AKR1C2: variants seen among roughly 807,000 people sequenced by gnomAD.
The protein encoded by AKR1C2 is 3-alpha-HSD3.
AKR1C2 carries 27 observed loss-of-function variants against 39.8 expected under a neutral mutation model. That is an observed-to-expected ratio of 0.68 (90% CI 0.50 to 0.93). The LOEUF is 0.93. Among genes scored for constraint, AKR1C2 ranks in the 40% least tolerant of loss-of-function variants. AKR1C2 has a pLI of 0.00. For missense variants in AKR1C2, 263 were observed against 365.1 expected (o/e 0.72, Z 2.28); for synonymous variants, 114 against 137.9 (o/e 0.83, Z 1.22).
upstream of AKR1C2, among the ~76,000 whole-genome samples, chr10:5,005,298 A>T (rs1837377417): frequency 1.3e-5 from 2 of 152,244 alleles, no homozygotes; most frequent in African/African-American, 4.8e-5. Context: ...AACCTGCCGC[A>T]CATATAAGTT....
At position 4,989,835 on chromosome 10, in the gene AKR1C2, C is replaced by T; in HGVS notation, c.*161G>A. 1 of 1,074,252 alleles carries T rather than the reference C, an allele frequency of 9.3e-7. No individual in the cohort carries two copies. The highest frequency in any genetic ancestry group is 1.3e-6 in the Non-Finnish European group (1 of 750,624). 66.5% of individuals were successfully genotyped at this position (1,074,252 alleles called of 1,614,324 possible). On this transcript the variant is annotated 3_prime_UTR_variant, in exon 9 of 9. Transcript: ENST00000380753. The stretch of plus-strand genomic sequence containing the variant: ...TCAAAATGAAAAACAAAATTATTGT[C>T]TTTCTTTTCCGGCCGATGGGCTTAG...
chr10:5,000,272 T>G, intron 3 of AKR1C2: 3 of 1,466,210 alleles, frequency 2.0e-6, no homozygotes. Context: ...AAATAAGACC[T>G]TGTGCCTTCA....
chr10:4,998,866 G>A (rs1175443595), intron 4 of AKR1C2, 119 bp from the exon 5 acceptor site: 16 of 1,480,528 alleles, frequency 1.1e-5, no homozygotes, highest in East Asian at 9.4e-5. Context: ...AGCTAGCCGT[G>A]GTTCTTAAAA....
chr10:5,003,897 G>C (rs1308862151), upstream of AKR1C2: 1 of 1,547,878 alleles, frequency 6.5e-7, no homozygotes, highest in Non-Finnish European at 8.9e-7. Flanking sequence ...AGAGCAATGA[G>C]CTGGCAACGC....
chr10:5,003,508 A>G lies in AKR1C2; in HGVS notation c.84+244T>C, dbSNP rs148281619. Among the ~76,000 whole-genome samples, 12,131 of 150,598 alleles carry G rather than the reference A, an allele frequency of 0.081. 412 individuals are homozygous for G. Among genetic ancestry groups the G allele is most frequent in the Middle Eastern group, 0.13 (37 of 294 alleles). The stretch of plus-strand genomic sequence containing the variant: ...CAATCTTCAAGAGAGGGAGCAGGCA[A>G]GCCGTGTTCTTTCTGCTGAGTTTTA... On this transcript the variant is annotated intron_variant, in intron 1 of 8. Transcript: ENST00000380753.
chr10:5,008,256 T>G (rs1189937974), upstream of AKR1C2, among the ~76,000 whole-genome samples: 2 of 138,072 alleles, frequency 1.4e-5, no homozygotes, highest in East Asian at 3.9e-4. Flanking sequence ...AAGCTTTATG[T>G]TGGGGCTCCA....
chr10:4,998,047 C>A (rs1210793340), intron 5 of AKR1C2, among the ~76,000 whole-genome samples: 5 of 152,224 alleles, frequency 3.3e-5, no homozygotes, highest in African/African-American at 4.8e-5. Flanking sequence ...CCACTGTGAA[C>A]AGATATCTCC....
chr10:5,006,016 A>G (rs1837396085), upstream of AKR1C2: 3 of 152,214 alleles, frequency 2.0e-5, no homozygotes, highest in Admixed American at 6.5e-5. Context: ...AGATATAATC[A>G]ATACACATAG....
upstream of AKR1C2, among the ~76,000 whole-genome samples, chr10:5,008,337 C>T (rs1837448695): frequency 6.6e-6 from 1 of 151,360 alleles, no homozygotes; most frequent in Non-Finnish European, 1.5e-5. Flanking sequence ...GTGGCAAGTG[C>T]CAAGCCTCAA....
At chr10:5,007,666 A>G (rs1170305359), upstream of AKR1C2, among the ~76,000 whole-genome samples, 1 of 151,282 alleles carries the variant, frequency 6.6e-6, no homozygotes, top group African/African-American at 2.4e-5. Flanking sequence ...TACAAAATCC[A>G]ATCAGTTTAC....
intron 1 of AKR1C2, among the ~76,000 whole-genome samples, chr10:5,016,775 C>T (rs1296148699): frequency 1.3e-5 from 2 of 152,238 alleles, no homozygotes; most frequent in African/African-American, 2.4e-5. Context: ...AAGAAGTTCT[C>T]CATGAGTGTT....
chr10:5,010,339 C>T (rs1937857), intron 1 of AKR1C2: 1 of 152,198 alleles, frequency 6.6e-6, no homozygotes, highest in South Asian at 2.1e-4. Context: ...TCTCATTTCA[C>T]ATACAAATCT....
At position 4,999,059 on chromosome 10, in the gene AKR1C2, C is replaced by T. The variant is rs1185081968; in HGVS notation, c.447+141G>A. On this transcript the variant is annotated intron_variant, in intron 4 of 8. Transcript: ENST00000380753. ...TGTATGCCTGTCATTTCTTTTTCCTCGCTGCTCACAAAAACTACCTTTGTA... is the reference window on the plus strand; with the variant it reads ...TGTATGCCTGTCATTTCTTTTTCCTTGCTGCTCACAAAAACTACCTTTGTA... 170 of 1,576,692 alleles carry T rather than the reference C, an allele frequency of 1.1e-4. 1 individual carries two copies. In the East Asian group the frequency reaches 3.3e-3, roughly 31 times the overall value.
At chr10:4,997,872 C>T (rs1199172459) in intron 5 of AKR1C2, among the ~76,000 whole-genome samples, 1 of 152,026 alleles carries the variant, frequency 6.6e-6, no homozygotes. Flanking sequence ...AGTCAGGACT[C>T]AAGGAAAAGA....
At chr10:4,994,732 T>A (rs1177325691) in intron 7 of AKR1C2, among the ~76,000 whole-genome samples, 1 of 150,168 alleles carries the variant, frequency 6.7e-6, no homozygotes, top group Admixed American at 6.7e-5. Context: ...ATGGACTGAG[T>A]TTAGGCTGAG....
intron 1 of AKR1C2, chr10:5,015,278 A>T (rs1187630965): frequency 1.3e-5 from 2 of 152,242 alleles, no homozygotes; most frequent in Admixed American, 1.3e-4. Context: ...TTTGAATGAG[A>T]AAATTATTTT....
intron 2 of AKR1C2, 122 bp downstream of exon 2, chr10:5,001,392 T>A: frequency 2.7e-6 from 4 of 1,498,880 alleles, no homozygotes; most frequent in Non-Finnish European, 3.6e-6. Flanking sequence ...CATGAGTAAG[T>A]GTGAATAAAT....
Position 4,989,906 on chromosome 10 carries a change from C to T in AKR1C2, c.*90G>A, listed in dbSNP as rs566502961. 6.7e-5 allele frequency: 97 copies of T among 1,455,724 alleles called. No homozygotes were observed. The South Asian group carries it at 1.1e-3, about 16-fold the overall frequency. 90.2% of individuals were successfully genotyped at this position (1,455,724 alleles called of 1,614,324 possible). A position where few individuals can be genotyped will look rare whatever the true frequency, so the allele number is the denominator to read the frequency against. On this transcript the variant is annotated 3_prime_UTR_variant, in exon 9 of 9. Coordinates refer to ENST00000380753, the MANE Select transcript of AKR1C2 (RefSeq NM_001393392.1). ...CAAGCAGGAGAGATTTAACCAGAGG[C>T]GATGTGTCCAGTCACCAGCATAGAG... is the stretch of plus-strand genomic sequence containing the variant.
In AKR1C2 at chr10:5,000,609, T is replaced by C; in HGVS notation, c.310A>G (p.Lys104Glu). ...LVRPALERSL[K>E]NLQLDYVDLY... ...TCAACATAGTCCAATTGAAGATTTT[T>C]CAGTGACCTTTCCAAGGCTGGTCGG... Residue 104 changes from lysine (K) to glutamate (E), a missense_variant, in exon 3 of 9, where the codon AAA becomes GAA. Lys to Glu is a moderately conservative substitution (Grantham distance 56). Coordinates refer to ENST00000380753, the MANE Select transcript of AKR1C2 (RefSeq NM_001393392.1). The C allele has an allele frequency of 6.2e-7, 1 of 1,614,072 alleles. No homozygotes were observed. The highest frequency in any genetic ancestry group is 8.5e-7 in the Non-Finnish European group (1 of 1,179,932).
Sources: gnomAD v4.1 joint callset for allele counts (sites outside exome capture counted in the v4.1 genomes callset) on GRCh38, gnomAD v4.1.1 for gene constraint, MANE v1.5 for transcripts, NCBI Gene and HGNC (gene_info 2026-07-23, HGNC 2026-07-21) for gene names.